DNAJC3: variants seen among roughly 807,000 people sequenced by gnomAD.
The protein encoded by DNAJC3 is DnaJ heat shock protein family (Hsp40) member C3, also known as dnaJ homolog subfamily C member 3.
Under a neutral mutation model 68.6 loss-of-function variants are expected in DNAJC3, and 38 were observed. The ratio of observed to expected loss-of-function variants is 0.55; its 90% confidence interval spans 0.43 to 0.73. The LOEUF (loss-of-function observed/expected upper bound fraction) is 0.73, where lower values mean the gene tolerates loss of function less well. Ranked by LOEUF, DNAJC3 falls within the 30% of genes least tolerant of loss-of-function variation. The pLI is 0.00. For missense variants in DNAJC3, 526 were observed against 591.9 expected, an observed-to-expected ratio of 0.89 and a Z score of 1.16; for synonymous variants, 203 against 204.0, an observed-to-expected ratio of 1.00 and a Z score of 0.04.
At chr13:95,783,976 C>T (rs1883523737) in intron 9 of DNAJC3, among the ~76,000 whole-genome samples, 1 of 152,150 alleles carries the variant, frequency 6.6e-6, no homozygotes, top group Non-Finnish European at 1.5e-5. Flanking sequence ...TCCCGAGGCT[C>T]CACCCCAGTG....
At chr13:95,761,388 A>C (rs1882815339) in intron 7 of DNAJC3, among the ~76,000 whole-genome samples, 1 of 152,170 alleles carries the variant, frequency 6.6e-6, no homozygotes, top group South Asian at 2.1e-4. Context: ...GCTGGGCAGG[A>C]GGACTGAAAA....
At chr13:95,773,731 CTTTTTTT>C (rs143145399) in intron 9 of DNAJC3, among the ~76,000 whole-genome samples, 1 of 71,336 alleles carries the variant, frequency 1.4e-5, no homozygotes, top group Non-Finnish European at 2.5e-5. Context: ...TTTTGTTGGT[CTTTTTTT>C]TTTTTTTTTT....
chr13:95,701,431 A>G (rs1253828024), intron 1 of DNAJC3, among the ~76,000 whole-genome samples: 2 of 152,194 alleles, frequency 1.3e-5, no homozygotes, highest in East Asian at 3.8e-4. Flanking sequence ...CTAAATGGAA[A>G]AGGCATTGAC....
chr13:95,759,915 A>G (rs901325736), intron 5 of DNAJC3, 125 bp from the exon 6 acceptor site: 10 of 951,754 alleles, frequency 1.1e-5, no homozygotes, highest in Non-Finnish European at 1.5e-5. Context: ...TTTGCACTAT[A>G]TAAGTCATCA....
At chr13:95,723,444 C>A in intron 3 of DNAJC3, 78 bp downstream of exon 3, 1 of 1,495,768 alleles carries the variant, frequency 6.7e-7, no homozygotes, top group Non-Finnish European at 9.1e-7. Flanking sequence ...AAGGTGAGGA[C>A]TGGCATGCTA....
At chr13:95,740,464 C>T (rs373433653) in intron 4 of DNAJC3, among the ~76,000 whole-genome samples, 11 of 152,180 alleles carry the variant, frequency 7.2e-5, no homozygotes, top group Non-Finnish European at 1.0e-4. Flanking sequence ...ATCAGCGAGA[C>T]TCCGTGGGCG....
At position 95,792,365 on chromosome 13, in the gene DNAJC3, G is replaced by C. The variant is rs888280119; in HGVS notation, c.*1335G>C. 1 of 152,208 alleles carries C rather than the reference G, an allele frequency of 6.6e-6. No homozygotes were observed. The allele number at this position is 152,208 out of a possible 1,614,324, so 9.4% of individuals were successfully genotyped here. On this transcript the variant is annotated 3_prime_UTR_variant, in exon 12 of 12. Transcript: ENST00000602402. The stretch of plus-strand genomic sequence containing the variant: ...TTTGAAAGCTGAAGGAATTACTTTA[G>C]ATAGATAGGAATTGCTACCTTTATT...
chr13:95,781,793 T>C (rs1430505578), intron 9 of DNAJC3, among the ~76,000 whole-genome samples: 2 of 152,030 alleles, frequency 1.3e-5, no homozygotes, highest in Non-Finnish European at 2.9e-5. Context: ...GGGATAAACA[T>C]TGGATGTGTG....
intron 7 of DNAJC3, among the ~76,000 whole-genome samples, chr13:95,761,142 G>T (rs537394358): frequency 4.7e-4 from 71 of 152,288 alleles, no homozygotes; most frequent in Non-Finnish European, 9.7e-4. Flanking sequence ...ACAAATATAT[G>T]AATTGATTAT....
At chr13:95,764,723 T>TAC (rs1882939602) in intron 9 of DNAJC3, among the ~76,000 whole-genome samples, 4 of 128,224 alleles carry the variant, frequency 3.1e-5, no homozygotes, top group African/African-American at 6.5e-5. Flanking sequence ...TATATACACA[T>TAC]ATATATATAT....
intron 4 of DNAJC3, among the ~76,000 whole-genome samples, chr13:95,751,851 G>C (rs1266985816): frequency 6.6e-6 from 1 of 152,136 alleles, no homozygotes; most frequent in Non-Finnish European, 1.5e-5. Flanking sequence ...AGGAGCAAAG[G>C]GACTTCTTAA....
At position 95,787,011 on chromosome 13, in the gene DNAJC3, G is replaced by A; in HGVS notation, c.1213G>A (p.Ala405Thr). 1 of 1,606,180 alleles carries A rather than the reference G, an allele frequency of 6.2e-7. No homozygotes were observed. Among genetic ancestry groups the A allele is most frequent in the Non-Finnish European group, 8.5e-7 (1 of 1,177,728 alleles). The change falls in exon 11 of 12, where the codon GCC becomes ACC. Residue 405 changes from alanine to threonine, a missense_variant. Physicochemically the swap from Ala to Thr is moderately conservative, Grantham distance 58. Coordinates refer to ENST00000602402, the MANE Select transcript of DNAJC3 (RefSeq NM_006260.5). ...YYKILGVKRNAKKQEIIKAYR... is the reference protein window; with the variant it reads ...YYKILGVKRNTKKQEIIKAYR... The stretch of plus-strand genomic sequence containing the variant: ...ATTTATTTTACCACCCCTCAGAAAT[G>A]CCAAAAAGCAAGAAATTATTAAAGC...
chr13:95,700,474 T>C (rs1880555538), intron 1 of DNAJC3, among the ~76,000 whole-genome samples: 1 of 152,188 alleles, frequency 6.6e-6, no homozygotes, highest in African/African-American at 2.4e-5. Flanking sequence ...CCATTCCTTA[T>C]ACCAAGAGGT....
chr13:95,786,156 C>A, intron 10 of DNAJC3, 85 bp downstream of exon 10: 3 of 1,337,050 alleles, frequency 2.2e-6, no homozygotes, highest in Non-Finnish European at 3.0e-6. Context: ...CTCTCTGATT[C>A]ATTTTCTTTA....
At chr13:95,760,579 A>G in intron 6 of DNAJC3, 100 bp from the exon 7 acceptor site, 1 of 1,445,268 alleles carries the variant, frequency 6.9e-7, no homozygotes, top group South Asian at 1.4e-5. Context: ...TTTTTGTTTA[A>G]TCGTTGCAAA....
chr13:95,691,378 C>T lies in DNAJC3; in HGVS notation c.82+14041C>T, dbSNP rs567560426. ...GCAGAGGGTCTCCTCACTTCTCAGA[C>T]GGGGCGGCCGGGCAGAGACGCTCCT... On this transcript the variant is annotated intron_variant, in intron 1 of 11. Coordinates refer to ENST00000602402, the MANE Select transcript of DNAJC3 (RefSeq NM_006260.5). Among the ~76,000 whole-genome samples the T allele has an allele frequency of 7.0e-5, 10 of 143,294 alleles. No homozygotes were observed. In the East Asian group the frequency reaches 1.8e-3, roughly 25 times the overall value. 94.0% of individuals were successfully genotyped at this position (143,294 alleles called of 152,430 possible). A position where few individuals can be genotyped will look rare whatever the true frequency, so the allele number is the denominator to read the frequency against.
At chr13:95,708,604 G>A (rs1880844948) in intron 1 of DNAJC3, among the ~76,000 whole-genome samples, 1 of 152,034 alleles carries the variant, frequency 6.6e-6, no homozygotes, top group Non-Finnish European at 1.5e-5. Flanking sequence ...TCAGATGTCA[G>A]TTTCTCAAGA....
At chr13:95,686,551 T>C (rs1880078551) in intron 1 of DNAJC3, among the ~76,000 whole-genome samples, 1 of 152,230 alleles carries the variant, frequency 6.6e-6, no homozygotes, top group Non-Finnish European at 1.5e-5. Flanking sequence ...GTAGTTTTTG[T>C]ATATGCTGGG....
chr13:95,732,076 T>C (rs936718425), intron 4 of DNAJC3, among the ~76,000 whole-genome samples: 1 of 152,018 alleles, frequency 6.6e-6, no homozygotes, highest in East Asian at 1.9e-4. Context: ...TGGATTCATT[T>C]GCTAGTATTT....
Sources: gnomAD v4.1 joint callset for allele counts (sites outside exome capture counted in the v4.1 genomes callset) on GRCh38, gnomAD v4.1.1 for gene constraint, MANE v1.5 for transcripts, NCBI Gene and HGNC (gene_info 2026-07-23, HGNC 2026-07-21) for gene names.